Variants in STX8 observed in about 807,000 individuals in gnomAD.
STX8 encodes the protein syntaxin-8.
STX8 carries 23 observed loss-of-function variants against 37.5 expected under a neutral mutation model. The observed-to-expected ratio is 0.61, with a 90% confidence interval of 0.44 to 0.87. STX8 has a LOEUF of 0.87. Ranked by LOEUF, STX8 falls within the 40% of genes least tolerant of loss-of-function variation. The probability of loss-of-function intolerance (pLI) is 0.00; values close to 1 mark genes in which losing one functional copy is unlikely to be tolerated. For synonymous variants in STX8, 115 were observed against 99.1 expected (o/e 1.16, Z -0.95); for missense variants, 313 against 284.7 (o/e 1.10, Z -0.71).
intron 6 of STX8, among the ~76,000 whole-genome samples, chr17:9,396,571 A>G (rs961604680): frequency 2.6e-5 from 4 of 151,970 alleles, no homozygotes; most frequent in Non-Finnish European, 2.9e-5. Flanking sequence ...TTAGCCGGGC[A>G]TGGTGGCGAG....
intron 4 of STX8, among the ~76,000 whole-genome samples, chr17:9,527,330 G>C (rs888514738): frequency 6.6e-6 from 1 of 151,840 alleles, no homozygotes; most frequent in East Asian, 1.9e-4. Context: ...TGTGGTCCCA[G>C]CTACTTGAGA....
At chr17:9,428,389 C>G (rs1056726738) in intron 6 of STX8, among the ~76,000 whole-genome samples, 1 of 152,130 alleles carries the variant, frequency 6.6e-6, no homozygotes, top group African/African-American at 2.4e-5. Context: ...TACAGGTACC[C>G]GCCACCACGC....
intron 7 of STX8, among the ~76,000 whole-genome samples, chr17:9,361,508 G>A (rs970053501): frequency 2.0e-5 from 3 of 152,230 alleles, no homozygotes; most frequent in Non-Finnish European, 2.9e-5. Flanking sequence ...GCTCCAGGGT[G>A]AAGAGCAGCA....
chr17:9,389,343 G>A (rs943388975), intron 6 of STX8, among the ~76,000 whole-genome samples: 1 of 152,220 alleles, frequency 6.6e-6, no homozygotes, highest in African/African-American at 2.4e-5. Context: ...CAGCTGACTA[G>A]TTCAGATTCC....
Position 9,538,218 on chromosome 17 carries a change from A to G in STX8, c.323+6954T>C, listed in dbSNP as rs1009663775. Among the ~76,000 whole-genome samples the G allele has an allele frequency of 2.6e-5, 4 of 152,346 alleles. No homozygotes were observed. The South Asian group carries it at 8.3e-4, about 32-fold the overall frequency. On this transcript the variant is annotated intron_variant, in intron 4 of 7. Transcript: ENST00000306357. ...TCAGCACACCCTTGCACATCAGAAAAGCTAGGACGTCACTGTATTTCAGGG... is the reference window on the plus strand; with the variant it reads ...TCAGCACACCCTTGCACATCAGAAAGGCTAGGACGTCACTGTATTTCAGGG...
chr17:9,264,401 C>G (rs1464715411), intron 7 of STX8, among the ~76,000 whole-genome samples: 1 of 152,220 alleles, frequency 6.6e-6, no homozygotes, highest in Non-Finnish European at 1.5e-5. Flanking sequence ...ACCTTCTGAG[C>G]TCAAGTGATC....
chr17:9,320,189 T>A (rs1909528516), intron 7 of STX8, among the ~76,000 whole-genome samples: 1 of 151,244 alleles, frequency 6.6e-6, no homozygotes, highest in Middle Eastern at 3.4e-3. Flanking sequence ...AAAAAATAAC[T>A]GGGCATGGTG....
intron 7 of STX8, among the ~76,000 whole-genome samples, chr17:9,283,911 C>T (rs1400772477): frequency 1.3e-5 from 2 of 152,148 alleles, no homozygotes; most frequent in African/African-American, 4.8e-5. Context: ...AATTACAGTA[C>T]TGGAAAAGGC....
At chr17:9,501,209 AAC>A (rs547665241) in intron 5 of STX8, among the ~76,000 whole-genome samples, 103 of 152,348 alleles carry the variant, frequency 6.8e-4, no homozygotes, top group Non-Finnish European at 8.4e-4. Flanking sequence ...TAAAATTAAA[AAC>A]AGATTCTAGA....
At chr17:9,471,512 G>A (rs1171138204) in intron 6 of STX8, among the ~76,000 whole-genome samples, 1 of 152,072 alleles carries the variant, frequency 6.6e-6, no homozygotes, top group Non-Finnish European at 1.5e-5. Flanking sequence ...CTGGCATCCT[G>A]GAGCTTGGAT....
At position 9,537,062 on chromosome 17, in the gene STX8, T is replaced by C. The variant is rs139066139; in HGVS notation, c.323+8110A>G. On this transcript the variant is annotated intron_variant, in intron 4 of 7. Coordinates refer to ENST00000306357, the MANE Select transcript of STX8 (RefSeq NM_004853.3). ...CGCATCCAGCCAAGAACGGGCATTA[T>C]AAATGACAAACTAATCCCCCCATGG... Among the ~76,000 whole-genome samples, 294 of 152,306 alleles carry C rather than the reference T, an allele frequency of 1.9e-3. 2 individuals carry two copies. Among genetic ancestry groups the C allele is most frequent in the Non-Finnish European group, 4.6e-4 (31 of 68,022 alleles).
At chr17:9,379,244 CAAAAA>C (rs34928127) in intron 6 of STX8, among the ~76,000 whole-genome samples, 59 of 76,678 alleles carry the variant, frequency 7.7e-4, no homozygotes, top group Non-Finnish European at 1.2e-3. Flanking sequence ...GACTCCATCT[CAAAAA>C]AAAAAAAAAA....
At chr17:9,461,891 C>A (rs1261073265) in intron 6 of STX8, among the ~76,000 whole-genome samples, 2 of 152,078 alleles carry the variant, frequency 1.3e-5, no homozygotes, top group Non-Finnish European at 1.5e-5. Context: ...GCATTAGATT[C>A]TCATAAGGAG....
chr17:9,352,546 C>T (rs1910742759), intron 7 of STX8, among the ~76,000 whole-genome samples: 1 of 142,938 alleles, frequency 7.0e-6, no homozygotes, highest in South Asian at 2.2e-4. Context: ...CGGCTCACTG[C>T]AAGCTCCGCC....
chr17:9,369,886 CA>C (rs60178482), intron 7 of STX8, among the ~76,000 whole-genome samples: 1,703 of 52,072 alleles, frequency 0.033, 4 homozygotes, highest in East Asian at 0.061. Context: ...GACCCTGTAC[CA>C]AAAAAAAAAA....
chr17:9,329,967 G>A (rs1421680495), intron 7 of STX8, among the ~76,000 whole-genome samples: 1 of 152,136 alleles, frequency 6.6e-6, no homozygotes, highest in African/African-American at 2.4e-5. Context: ...TGAGGCAGAG[G>A]GTGCAGCTGG....
intron 4 of STX8, among the ~76,000 whole-genome samples, chr17:9,542,742 T>C (rs879120520): frequency 6.6e-6 from 1 of 152,212 alleles, no homozygotes; most frequent in Admixed American, 6.5e-5. Flanking sequence ...CAGTTATTTC[T>C]TAAATTGTAA....
chr17:9,531,888 A>C (rs1321553205), intron 4 of STX8, among the ~76,000 whole-genome samples: 1 of 151,956 alleles, frequency 6.6e-6, no homozygotes, highest in African/African-American at 2.4e-5. Flanking sequence ...TTTGTTGTCT[A>C]GCTTTTAAAA....
intron 3 of STX8, among the ~76,000 whole-genome samples, chr17:9,551,686 A>T (rs1268635422): frequency 6.6e-6 from 1 of 152,196 alleles, no homozygotes; most frequent in Non-Finnish European, 1.5e-5. Context: ...CAACTTGTAC[A>T]ATAACCTGGC....
Sources: gnomAD v4.1 joint callset for allele counts (sites outside exome capture counted in the v4.1 genomes callset) on GRCh38, gnomAD v4.1.1 for gene constraint, MANE v1.5 for transcripts, NCBI Gene and HGNC (gene_info 2026-07-23, HGNC 2026-07-21) for gene names.